Variants in MYPN observed in about 807,000 individuals in gnomAD.
MYPN encodes the protein sarcomeric protein myopalladin, 145 kDa (MYOP).
MYPN carries 63 observed loss-of-function variants against 129.4 expected under a neutral mutation model. The ratio of observed to expected loss-of-function variants is 0.49; its 90% CI spans 0.40 to 0.60. The LOEUF is 0.60. Among genes scored for constraint, MYPN ranks in the 20% least tolerant of loss-of-function variants. MYPN has a pLI of 0.00. For synonymous variants in MYPN, 629 were observed against 600.9 expected, an observed-to-expected ratio of 1.05 and a Z score of -0.68; for missense variants, 1,596 against 1,635.4, an observed-to-expected ratio of 0.98 and a Z score of 0.42.
intron 19 of MYPN, 40 bp from the exon 20 acceptor site, chr10:68,210,246 A>T (rs1156619804): frequency 6.2e-7 from 1 of 1,611,044 alleles, no homozygotes; most frequent in South Asian, 1.1e-5. Flanking sequence ...GCTGGACTGC[A>T]TTCCTTTGAT....
chr10:68,175,503 T>C (rs1247136114), intron 12 of MYPN, 42 bp downstream of exon 12: 5 of 1,609,000 alleles, frequency 3.1e-6, no homozygotes, highest in Non-Finnish European at 8.5e-7. Context: ...AATTTTATTG[T>C]AAGGAATTTA....
intron 9 of MYPN, 71 bp downstream of exon 9, chr10:68,165,889 C>T (rs1159549471): frequency 1.4e-5 from 17 of 1,238,144 alleles, no homozygotes; most frequent in Non-Finnish European, 1.9e-5. Context: ...TTTGTGTTTC[C>T]ATTCCTTCCT....
At chr10:68,187,319 A>AAAAT (rs1224898638) in intron 12 of MYPN, among the ~76,000 whole-genome samples, 3 of 152,042 alleles carry the variant, frequency 2.0e-5, no homozygotes, top group African/African-American at 7.2e-5. Context: ...AAAAAAAAAA[A>AAAAT]AATAGTAACC....
At position 68,174,305 on chromosome 10, in the gene MYPN, C is replaced by T. The variant is rs2043191026; in HGVS notation, c.2213C>T (p.Ala738Val). The T allele has an allele frequency of 6.2e-7, 1 of 1,614,018 alleles. No individual in the cohort carries two copies. Among genetic ancestry groups the T allele is most frequent in the South Asian group, 1.1e-5 (1 of 91,084 alleles). ...ACGAACACCACCGCAGCAACTGTGG[C>T]CCCTTCCAGCTCTCCGGTGTTCACT... ...PSTNTTAATV[A>V]PSSSPVFTLS... The change falls in exon 11 of 20, where the codon GCC becomes GTC. Residue 738 changes from alanine to valine, a missense_variant. Coordinates refer to ENST00000358913, the MANE Select transcript of MYPN (RefSeq NM_032578.4).
chr10:68,106,459 T>C (rs1439974911), upstream of MYPN: 4 of 483,746 alleles, frequency 8.3e-6, no homozygotes, highest in Non-Finnish European at 1.1e-5. Context: ...AGTCAAGAAC[T>C]TGTCTTTGCT....
At chr10:68,112,420 C>T (rs1406126555) in intron 1 of MYPN, among the ~76,000 whole-genome samples, 1 of 152,168 alleles carries the variant, frequency 6.6e-6, no homozygotes, top group Non-Finnish European at 1.5e-5. Flanking sequence ...GAAATCTTTA[C>T]TTTCTTTCCT....
intron 6 of MYPN, among the ~76,000 whole-genome samples, chr10:68,155,092 A>G (rs2634704): frequency 0.024 from 3,689 of 152,122 alleles, 82 homozygotes; most frequent in African/African-American, 0.054. Context: ...GAGGCAGGAG[A>G]ATCACTTGAA....
intron 17 of MYPN, 24 bp downstream of exon 17, chr10:68,199,599 T>A: frequency 6.2e-7 from 1 of 1,607,386 alleles, no homozygotes; most frequent in South Asian, 1.1e-5. Flanking sequence ...CTGGGACCCC[T>A]AAACACAACT....
upstream of MYPN, among the ~76,000 whole-genome samples, chr10:68,102,832 C>T (rs1361098863): frequency 6.6e-6 from 1 of 152,116 alleles, no homozygotes; most frequent in Non-Finnish European, 1.5e-5. Context: ...AAATTTATCC[C>T]CATTGTGAAA....
At chr10:68,182,449 TAA>T (rs2043347214) in intron 12 of MYPN, among the ~76,000 whole-genome samples, 1 of 112,268 alleles carries the variant, frequency 8.9e-6, no homozygotes, top group Non-Finnish European at 1.7e-5. Flanking sequence ...AACATATATA[TAA>T]CATATATATA....
intron 12 of MYPN, among the ~76,000 whole-genome samples, chr10:68,180,792 T>C (rs910064484): frequency 4.6e-5 from 7 of 152,326 alleles, no homozygotes; most frequent in Admixed American, 1.3e-4. Context: ...TACATTATGG[T>C]TCGCAACAGA....
chr10:68,169,458 G>A (rs1454151394), intron 10 of MYPN, among the ~76,000 whole-genome samples: 1 of 152,020 alleles, frequency 6.6e-6, no homozygotes, highest in African/African-American at 2.4e-5. Flanking sequence ...CAGGTACGTC[G>A]GTTAGGATTA....
intron 2 of MYPN, among the ~76,000 whole-genome samples, chr10:68,128,209 A>T (rs2134015399): frequency 6.6e-6 from 1 of 152,330 alleles, no homozygotes; most frequent in South Asian, 2.1e-4. Flanking sequence ...AATTCACAGC[A>T]AATGGCCGTG....
In MYPN at chr10:68,121,658, G is replaced by T; in HGVS notation, c.220G>T (p.Glu74Ter). Residue 74 changes from glutamate to a stop codon, truncating the protein, a stop_gained, in exon 2 of 20, where the codon GAA becomes TAA. Transcript: ENST00000358913. LOFTEE classifies it high-confidence loss of function. ...SAFLSQEELD[E>*]SVNLARLAIN... ...CTTTCTGAGCCAAGAAGAATTAGAC[G>T]AAAGTGTCAATTTGGCAAGACTGGC... 6.2e-7 allele frequency: 1 copy of T among 1,614,210 alleles called. No homozygotes were observed. The highest frequency in any genetic ancestry group is 8.5e-7 in the Non-Finnish European group (1 of 1,180,030).
At position 68,206,815 on chromosome 10, in the gene MYPN, A is replaced by C; in HGVS notation, c.3705A>C (p.Pro1235=). The change falls in exon 19 of 20, where the codon CCA becomes CCC. Residue 1235 remains proline (P), a synonymous_variant. Transcript: ENST00000358913. ...GGTATGCCTGCCTTCTCATTCAGCC[A>C]GCCAAGAAATCAGACGCTGGATGGT... ...TTGYACLLIQ[P]AKKSDAGWYT... 1 of 1,614,236 alleles carries C rather than the reference A, an allele frequency of 6.2e-7. No homozygotes were observed. Among genetic ancestry groups the C allele is most frequent in the Non-Finnish European group, 8.5e-7 (1 of 1,180,032 alleles).
intron 1 of MYPN, among the ~76,000 whole-genome samples, chr10:68,115,089 T>G (rs762438181): frequency 6.6e-6 from 1 of 151,580 alleles, no homozygotes; most frequent in Non-Finnish European, 1.5e-5. Context: ...TGAAACCCTA[T>G]CTCTACTAAA....
At chr10:68,091,551 T>C (rs908849258) in intron 1 of MYPN, among the ~76,000 whole-genome samples, 1 of 151,770 alleles carries the variant, frequency 6.6e-6, no homozygotes, top group Non-Finnish European at 1.5e-5. Context: ...CCTGCCACTA[T>C]GCTGGGCTAA....
chr10:68,169,362 TAA>T (rs34539408), intron 10 of MYPN, among the ~76,000 whole-genome samples: 207 of 127,130 alleles, frequency 1.6e-3, no homozygotes, highest in Non-Finnish European at 1.8e-3. Context: ...CGTCTCAAAT[TAA>T]AAAAAAAAAA....
chr10:68,089,722 A>G (rs1260000397), intron 1 of MYPN, among the ~76,000 whole-genome samples: 4 of 152,172 alleles, frequency 2.6e-5, no homozygotes, highest in African/African-American at 9.7e-5. Flanking sequence ...TGAAGTATCA[A>G]CTGTTGATTC....
Sources: allele counts gnomAD v4.1 joint callset (sites outside exome capture counted in the v4.1 genomes callset), GRCh38; gene constraint gnomAD v4.1.1; transcripts MANE v1.5; gene names NCBI Gene and HGNC (gene_info 2026-07-23, HGNC 2026-07-21).